Variants in DNAH12 observed in about 807,000 individuals in gnomAD.
The protein encoded by DNAH12 is dynein axonemal heavy chain 12, also known as axonemal beta dynein heavy chain 12.
DNAH12 carries 285 observed loss-of-function variants against 371.5 expected under a neutral mutation model. The observed-to-expected ratio is 0.77, with a 90% confidence interval of 0.70 to 0.85. The LOEUF is 0.85. DNAH12 is among the 40% of genes least tolerant of loss of function. The probability of loss-of-function intolerance (pLI) is 0.00; values close to 1 mark genes in which losing one functional copy is unlikely to be tolerated. For missense variants in DNAH12, 3,611 were observed against 3,689.4 expected (o/e 0.98, Z 0.55); for synonymous variants, 1,200 against 1,213.0 (o/e 0.99, Z 0.22).
At chr3:57,295,710 G>C in intron 72 of DNAH12, 118 bp from the exon 73 acceptor site, 1 of 818,528 alleles carries the variant, frequency 1.2e-6, no homozygotes, top group Middle Eastern at 3.0e-4. Context: ...TAGAGAAAAA[G>C]AAATGTAAAA....
At position 57,357,368 on chromosome 3, in the gene DNAH12, G is replaced by A. The variant is rs1028315938; in HGVS notation, c.9361-20C>T. On this transcript the variant is annotated intron_variant, in intron 58 of 73. Transcript: ENST00000495027. ...TGCAATCTAGGAGAACAGAAAAAGC[G>A]AGATTAAGAAATAGGAAGAGTATTT... 2 of 152,102 alleles carry A rather than the reference G, an allele frequency of 1.3e-5. No individual in the cohort carries two copies. The highest frequency in any genetic ancestry group is 2.1e-4 in the South Asian group (1 of 4,818). The allele number at this position is 152,102 out of a possible 1,614,324, so 9.4% of individuals were successfully genotyped here. A position where few individuals can be genotyped will look rare whatever the true frequency, so the allele number is the denominator to read the frequency against.
At chr3:57,478,001 CTA>C (rs1247576727) in intron 13 of DNAH12, among the ~76,000 whole-genome samples, 1 of 152,200 alleles carries the variant, frequency 6.6e-6, no homozygotes, top group Admixed American at 6.5e-5. Context: ...ACTGTAAACT[CTA>C]AAAATCAGAG....
At position 57,437,127 on chromosome 3, in the gene DNAH12, TGTA is replaced by T. The variant is rs1240678862; in HGVS notation, c.4546-70_4546-68del. On this transcript the variant is annotated intron_variant, in intron 29 of 73. Coordinates refer to ENST00000495027, the MANE Select transcript of DNAH12 (RefSeq NM_001366028.2). ...ATAAATGTCATACCTGTCTTATAAG[TGTA>T]GATTTTAAATTTACTAGTTAAAAAA... is the stretch of plus-strand genomic sequence containing the variant. The T allele has an allele frequency of 2.0e-5, 20 of 1,016,344 alleles. No individual in the cohort carries two copies. In the African/African-American group the frequency reaches 3.5e-4, roughly 18 times the overall value. The allele number at this position is 1,016,344 out of a possible 1,614,324, so 63.0% of individuals were successfully genotyped here. A position where few individuals can be genotyped will look rare whatever the true frequency, so the allele number is the denominator to read the frequency against.
chr3:57,435,727 AG>A (rs1196793123), intron 30 of DNAH12, among the ~76,000 whole-genome samples: 4 of 152,092 alleles, frequency 2.6e-5, no homozygotes, highest in African/African-American at 9.7e-5. Flanking sequence ...GAAGCTCAGG[AG>A]GGAGGATCAC....
At chr3:57,549,619 T>C in the DNAH12 span, among the ~76,000 whole-genome samples, 1 of 152,138 alleles carries the variant, frequency 6.6e-6, no homozygotes. Context: ...CAAAATCTTT[T>C]ACTATATTTT....
chr3:57,541,059 A>G (rs2069260857), intron 2 of DNAH12, among the ~76,000 whole-genome samples: 2 of 144,740 alleles, frequency 1.4e-5, no homozygotes. Flanking sequence ...TATTTTTTTG[A>G]GATGGAGTCT....
chr3:57,426,471 G>A (rs1450755107), intron 34 of DNAH12, among the ~76,000 whole-genome samples: 1 of 152,034 alleles, frequency 6.6e-6, no homozygotes, highest in Non-Finnish European at 1.5e-5. Flanking sequence ...GTGGGGCGAG[G>A]AGGTGGCTGC....
intron 4 of DNAH12, among the ~76,000 whole-genome samples, chr3:57,517,422 A>T (rs1037719293): frequency 6.6e-6 from 1 of 152,164 alleles, no homozygotes; most frequent in African/African-American, 2.4e-5. Flanking sequence ...GACAAAGATG[A>T]TATTTTCTCA....
chr3:57,338,383 G>A (rs899267271), intron 60 of DNAH12, among the ~76,000 whole-genome samples: 10 of 151,924 alleles, frequency 6.6e-5, no homozygotes, highest in Admixed American at 2.6e-4. Flanking sequence ...TGTGAGGAGC[G>A]CCTCTGCCCG....
chr3:57,377,311 A>G (rs1473457151), intron 52 of DNAH12, 89 bp from the exon 53 acceptor site: 2 of 152,134 alleles, frequency 1.3e-5, no homozygotes, highest in Non-Finnish European at 2.9e-5. Context: ...TATGGATTAG[A>G]AATGCATTGT....
In DNAH12 at chr3:57,499,645, AAAATATATATATATATAT is replaced by A. The variant is rs1295473414; in HGVS notation, c.1335+1658_1335+1675del. On this transcript the variant is annotated intron_variant, in intron 11 of 73. Transcript: ENST00000495027. ...ACCATCTCTACAAAAAAAAAAAAAA[AAAATATATATATATATAT>A]ATATATATATATACTTCTTAAAAAA... Among the ~76,000 whole-genome samples, 46 of 23,376 alleles carry A rather than the reference AAAATATATATATATATAT, an allele frequency of 2.0e-3. 8 individuals carry two copies. Among genetic ancestry groups the A allele is most frequent in the Admixed American group, 0.015 (43 of 2,880 alleles). The allele number at this position is 23,376 out of a possible 152,430, so 15.3% of individuals were successfully genotyped here.
chr3:57,499,648 A>AAAAAAAAAAAAATATG (rs71088082), intron 11 of DNAH12, among the ~76,000 whole-genome samples: 3 of 21,300 alleles, frequency 1.4e-4, no homozygotes, highest in Non-Finnish European at 1.9e-4. Flanking sequence ...AAAAAAAAAA[A>AAAAAAAAAAAAATATG]TATATATATA....
chr3:57,373,171 T>G lies in DNAH12; in HGVS notation c.8759+2200A>C, dbSNP rs2063210753. Among the ~76,000 whole-genome samples, 3 of 152,186 alleles carry G rather than the reference T, an allele frequency of 2.0e-5. No individual in the cohort carries two copies. The South Asian group carries it at 6.2e-4, about 32-fold the overall frequency. On this transcript the variant is annotated intron_variant, in intron 55 of 73. Transcript: ENST00000495027. Reference sequence around the variant, plus strand: ...GAACTACACTCCTGGTCTTCAATACTCATGTTTGTTACTCTGGCTTGGGTC... The same window carrying G: ...GAACTACACTCCTGGTCTTCAATACGCATGTTTGTTACTCTGGCTTGGGTC...
intron 43 of DNAH12, among the ~76,000 whole-genome samples, chr3:57,399,766 G>A (rs1043638369): frequency 5.9e-5 from 9 of 152,096 alleles, no homozygotes; most frequent in African/African-American, 1.9e-4. Flanking sequence ...CATGAAGATC[G>A]TGAGGATGAA....
intron 55 of DNAH12, among the ~76,000 whole-genome samples, chr3:57,370,525 A>G (rs2063148912): frequency 6.6e-6 from 1 of 152,222 alleles, no homozygotes; most frequent in Admixed American, 6.5e-5. Context: ...ACCATTGCAC[A>G]ATATTATAAA....
chr3:57,496,275 C>A (rs2067318268), intron 11 of DNAH12, among the ~76,000 whole-genome samples: 1 of 151,910 alleles, frequency 6.6e-6, no homozygotes, highest in Non-Finnish European at 1.5e-5. Flanking sequence ...TCCTGACCCA[C>A]AGATACTATG....
At chr3:57,396,007 G>A (rs878967756) in intron 43 of DNAH12, among the ~76,000 whole-genome samples, 82,100 of 151,384 alleles carry the variant, frequency 0.54, 22,460 homozygotes, top group East Asian at 0.62. Flanking sequence ...GGCTGGGCGC[G>A]GTGGCTCAGG....
chr3:57,388,738 G>C (rs2063547540), intron 45 of DNAH12, among the ~76,000 whole-genome samples: 1 of 152,110 alleles, frequency 6.6e-6, no homozygotes, highest in Non-Finnish European at 1.5e-5. Flanking sequence ...AAAAGGATGA[G>C]TTCATGTCCT....
intron 60 of DNAH12, among the ~76,000 whole-genome samples, chr3:57,349,472 C>T (rs185442118): frequency 1.3e-4 from 20 of 152,250 alleles, no homozygotes; most frequent in African/African-American, 4.6e-4. Flanking sequence ...TACTCGGTAT[C>T]CCAGAGGAAA....
Sources: gnomAD v4.1 joint callset for allele counts (sites outside exome capture counted in the v4.1 genomes callset) on GRCh38, gnomAD v4.1.1 for gene constraint, MANE v1.5 for transcripts, NCBI Gene and HGNC (gene_info 2026-07-23, HGNC 2026-07-21) for gene names.